The following DCC variants were observed in gnomAD, a reference collection of about 807,000 sequenced individuals.
The protein encoded by DCC is DCC netrin 1 receptor.
DCC carries 58 observed loss-of-function variants against 172.5 expected under a neutral mutation model. The ratio of observed to expected loss-of-function variants is 0.34; its 90% CI spans 0.27 to 0.42. The LOEUF is 0.42. DCC is among the 10% of genes least tolerant of loss of function. The pLI is 1.00. For synonymous variants in DCC, 709 were observed against 644.5 expected (o/e 1.10, Z -1.52); for missense variants, 1,740 against 1,791.0 (o/e 0.97, Z 0.51).
chr18:53,171,690 T>A (rs2055015969), intron 8 of DCC, among the ~76,000 whole-genome samples: 1 of 152,066 alleles, frequency 6.6e-6, no homozygotes, highest in Non-Finnish European at 1.5e-5. Context: ...TGCGTCCCTT[T>A]CCTTTAAAGT....
intron 2 of DCC, among the ~76,000 whole-genome samples, chr18:52,812,000 G>A (rs542787800): frequency 1.3e-5 from 2 of 152,304 alleles, no homozygotes; most frequent in East Asian, 3.9e-4. Context: ...AGAATTTGCT[G>A]TTTTTAATTT....
chr18:52,799,918 A>G (rs553414801), intron 2 of DCC, among the ~76,000 whole-genome samples: 43 of 152,272 alleles, frequency 2.8e-4, no homozygotes, highest in South Asian at 2.3e-3. Context: ...ATTGTTCTTC[A>G]GTTACATCAT....
chr18:53,206,963 A>G (rs550255553), intron 10 of DCC, among the ~76,000 whole-genome samples: 2 of 152,224 alleles, frequency 1.3e-5, no homozygotes, highest in East Asian at 3.9e-4. Context: ...AGCTCCTCCT[A>G]TGTAATCATG....
intron 5 of DCC, among the ~76,000 whole-genome samples, chr18:52,928,049 A>T (rs906090337): frequency 6.6e-6 from 1 of 152,154 alleles, no homozygotes; most frequent in African/African-American, 2.4e-5. Flanking sequence ...AATAAAGAAA[A>T]TATGGTAAAT....
At position 52,394,825 on chromosome 18, in the gene DCC, G is replaced by C. The variant is rs568088112; in HGVS notation, c.91+53947G>C. ...TTTTTAACCTGAGGTTTGGGCTTGA[G>C]CCAATGGCATCAGAGAGCAGCTCAA... On this transcript the variant is annotated intron_variant, in intron 1 of 28. Coordinates refer to ENST00000442544, the MANE Select transcript of DCC (RefSeq NM_005215.4). Among the ~76,000 whole-genome samples the C allele has an allele frequency of 9.7e-4, 148 of 152,168 alleles. 4 individuals carry two copies. Among genetic ancestry groups the C allele is most frequent in the African/African-American group, 3.2e-3 (135 of 41,546 alleles).
chr18:53,290,343 AC>A (rs2056987003), intron 12 of DCC, among the ~76,000 whole-genome samples: 1 of 152,212 alleles, frequency 6.6e-6, no homozygotes, highest in African/African-American at 2.4e-5. Context: ...CTATAATCTT[AC>A]CTGACATTTG....
At chr18:52,466,468 G>A (rs950336118) in intron 1 of DCC, among the ~76,000 whole-genome samples, 10 of 152,152 alleles carry the variant, frequency 6.6e-5, no homozygotes, top group Middle Eastern at 3.4e-3. Flanking sequence ...GTTTGGAGGT[G>A]GGTACTACTT....
chr18:52,752,293 G>C lies in DCC; in HGVS notation c.331G>C (p.Asp111His). 6.2e-7 allele frequency: 1 copy of C among 1,614,178 alleles called. No individual in the cohort carries two copies. Among genetic ancestry groups the C allele is most frequent in the Non-Finnish European group, 8.5e-7 (1 of 1,180,024 alleles). Residue 111 changes from aspartate to histidine, a missense_variant, in exon 2 of 29, where the codon GAT becomes CAT. Physicochemically the swap from Asp to His is moderately conservative, Grantham distance 81. This residue lies in a region of DCC where 1,732 missense variants were observed against 1,767.4 expected (regional missense o/e 0.98). Coordinates refer to ENST00000442544, the MANE Select transcript of DCC (RefSeq NM_005215.4). ...NILHSRHHKP[D>H]EGLYQCEASL... ...ACTTCATTCCAGACACCACAAGCCA[G>C]ATGAGGGACTTTACCAATGTGAGGC...
intron 2 of DCC, among the ~76,000 whole-genome samples, chr18:52,815,859 G>A (rs2038287769): frequency 6.6e-6 from 1 of 152,148 alleles, no homozygotes; most frequent in South Asian, 2.1e-4. Context: ...CTTTAGAAAT[G>A]TTTAGCTTTG....
At chr18:52,513,506 T>G (rs929067777) in intron 1 of DCC, among the ~76,000 whole-genome samples, 1 of 152,212 alleles carries the variant, frequency 6.6e-6, no homozygotes, top group Admixed American at 6.5e-5. Flanking sequence ...TATTATTATT[T>G]GTTCTTCAAA....
At chr18:53,358,621 A>C (rs1344704934) in intron 15 of DCC, among the ~76,000 whole-genome samples, 1 of 144,572 alleles carries the variant, frequency 6.9e-6, no homozygotes, top group Non-Finnish European at 1.5e-5. Flanking sequence ...TCCAGGTTCA[A>C]CCGATTCTCC....
intron 1 of DCC, among the ~76,000 whole-genome samples, chr18:52,676,248 G>A (rs1341331188): frequency 1.3e-5 from 2 of 152,178 alleles, no homozygotes; most frequent in Non-Finnish European, 2.9e-5. Flanking sequence ...TTATTTGTTT[G>A]TAAGTGGAAA....
At chr18:52,776,750 C>T (rs903858990) in intron 2 of DCC, among the ~76,000 whole-genome samples, 4 of 152,136 alleles carry the variant, frequency 2.6e-5, no homozygotes, top group Admixed American at 6.5e-5. Context: ...CCTGTGACTC[C>T]TCAACAAACT....
intron 5 of DCC, among the ~76,000 whole-genome samples, chr18:52,981,498 C>A (rs1598995565): frequency 6.6e-6 from 1 of 151,978 alleles, no homozygotes; most frequent in Admixed American, 6.6e-5. Context: ...GATTGGCAGG[C>A]CTGTTTTCTT....
intron 5 of DCC, among the ~76,000 whole-genome samples, chr18:52,992,905 G>A (rs1356501724): frequency 6.6e-6 from 1 of 151,700 alleles, no homozygotes; most frequent in East Asian, 1.9e-4. Flanking sequence ...CTTGAACCCA[G>A]GAGGCAGAGC....
chr18:53,174,462 A>T (rs887938320), intron 8 of DCC, among the ~76,000 whole-genome samples: 11 of 149,840 alleles, frequency 7.3e-5, no homozygotes, highest in Non-Finnish European at 1.6e-4. Context: ...GAGAAGAATC[A>T]AATAGACACA....
chr18:53,514,159 G>T (rs532075711), intron 27 of DCC, among the ~76,000 whole-genome samples: 6 of 151,906 alleles, frequency 3.9e-5, no homozygotes, highest in Admixed American at 2.0e-4. Context: ...ACTCAAAACC[G>T]CTCAACTACA....
At chr18:52,437,090 G>A (rs1432148784) in intron 1 of DCC, among the ~76,000 whole-genome samples, 2 of 152,070 alleles carry the variant, frequency 1.3e-5, no homozygotes, top group Non-Finnish European at 2.9e-5. Context: ...TTTAACTATG[G>A]ACCACTACTG....
intron 1 of DCC, among the ~76,000 whole-genome samples, chr18:52,488,089 G>T (rs1382321520): frequency 6.6e-6 from 1 of 152,084 alleles, no homozygotes; most frequent in Non-Finnish European, 1.5e-5. Flanking sequence ...GGTTTGGGAA[G>T]AAAAAGAAAG....
Sources: gnomAD v4.1 joint callset for allele counts (sites outside exome capture counted in the v4.1 genomes callset) on GRCh38, gnomAD v4.1.1 for gene constraint, gnomAD v4.1.1 regional missense constraint, MANE v1.5 for transcripts, NCBI Gene and HGNC (gene_info 2026-07-23, HGNC 2026-07-21) for gene names.